CAMK1D: variants seen among roughly 807,000 people sequenced by gnomAD.
CAMK1D encodes the protein calcium/calmodulin-dependent protein kinase type 1D.
In CAMK1D, 9 loss-of-function variants were observed where a neutral mutation model predicts 47.7. The observed-to-expected ratio is 0.19, with a 90% confidence interval of 0.11 to 0.33. The LOEUF (loss-of-function observed/expected upper bound fraction) is 0.33. CAMK1D is among the 10% of genes least tolerant of loss of function. The pLI, the probability that CAMK1D is intolerant of heterozygous loss-of-function variation, is 1.00. For missense variants in CAMK1D, 291 were observed against 488.7 expected (o/e 0.60, Z 3.81); for synonymous variants, 184 against 184.9 (o/e 0.99, Z 0.04).
chr10:12,580,241 C>A (rs986768346), intron 2 of CAMK1D, among the ~76,000 whole-genome samples: 2 of 151,764 alleles, frequency 1.3e-5, no homozygotes, highest in African/African-American at 4.8e-5. Flanking sequence ...TCGTCAACAT[C>A]ATCTGTAACT....
intron 1 of CAMK1D, among the ~76,000 whole-genome samples, chr10:12,493,361 C>A (rs1834445378): frequency 6.6e-6 from 1 of 152,188 alleles, no homozygotes; most frequent in Non-Finnish European, 1.5e-5. Flanking sequence ...CGTGCTGGGG[C>A]AGGAAGGAAA....
rs539436334 is a variant in CAMK1D at position 12,382,393 on chromosome 10, T to G, written c.92+32483T>G. Among the ~76,000 whole-genome samples, 23 of 151,752 alleles carry G rather than the reference T, an allele frequency of 1.5e-4. 1 individual carries two copies. The highest frequency in any genetic ancestry group is 5.3e-4 in the Admixed American group (8 of 15,138). On this transcript the variant is annotated intron_variant, in intron 1 of 10. Transcript: ENST00000619168. ...TACTAGATGATAAGGTACTTGTGGG[T>G]GAGCCTGACGCATGTTTTGGTAACT... is the stretch of plus-strand genomic sequence containing the variant.
chr10:12,440,792 T>G (rs1321197142), intron 1 of CAMK1D, among the ~76,000 whole-genome samples: 1 of 152,196 alleles, frequency 6.6e-6, no homozygotes, highest in African/African-American at 2.4e-5. Flanking sequence ...TCAAAAATGA[T>G]CTGTATATAT....
intron 2 of CAMK1D, among the ~76,000 whole-genome samples, chr10:12,649,351 G>T (rs895254055): frequency 6.6e-6 from 1 of 152,218 alleles, no homozygotes; most frequent in Non-Finnish European, 1.5e-5. Flanking sequence ...AAAGAAAGGG[G>T]AGGTCGGCTG....
At chr10:12,503,842 G>A (rs1469461718) in intron 1 of CAMK1D, among the ~76,000 whole-genome samples, 1 of 152,200 alleles carries the variant, frequency 6.6e-6, no homozygotes, top group Non-Finnish European at 1.5e-5. Context: ...TTGTGCCAAT[G>A]TTAAAGTTAC....
chr10:12,587,642 G>A (rs947979255), intron 2 of CAMK1D, among the ~76,000 whole-genome samples: 1 of 152,056 alleles, frequency 6.6e-6, no homozygotes, highest in Non-Finnish European at 1.5e-5. Flanking sequence ...GGAAGAAGAG[G>A]GCAGGGAGGA....
intron 1 of CAMK1D, among the ~76,000 whole-genome samples, chr10:12,506,407 G>C (rs1258979753): frequency 6.6e-6 from 1 of 152,136 alleles, no homozygotes; most frequent in East Asian, 1.9e-4. Context: ...GCAACACAGT[G>C]AGACTCTGTC....
intron 1 of CAMK1D, among the ~76,000 whole-genome samples, chr10:12,385,410 TG>T (rs1350554264): frequency 6.6e-6 from 1 of 152,270 alleles, no homozygotes; most frequent in Non-Finnish European, 1.5e-5. Flanking sequence ...ATGTGATATT[TG>T]GCTGTAAAAA....
At chr10:12,759,156 C>A (rs1398447665) in intron 3 of CAMK1D, among the ~76,000 whole-genome samples, 1 of 152,226 alleles carries the variant, frequency 6.6e-6, no homozygotes, top group East Asian at 1.9e-4. Context: ...TGAGACCAGA[C>A]TGGGCAACAT....
intron 5 of CAMK1D, among the ~76,000 whole-genome samples, chr10:12,774,520 T>G (rs1332321416): frequency 6.6e-6 from 1 of 152,170 alleles, no homozygotes; most frequent in Non-Finnish European, 1.5e-5. Flanking sequence ...GAAATCGTCG[T>G]ATAGACTTTA....
chr10:12,714,839 T>C (rs1225713672), intron 3 of CAMK1D, among the ~76,000 whole-genome samples: 1 of 151,416 alleles, frequency 6.6e-6, no homozygotes, highest in African/African-American at 2.4e-5. Context: ...TTAGTTACCT[T>C]TTTTTATTGA....
At chr10:12,763,338 A>G (rs773068812) in intron 4 of CAMK1D, among the ~76,000 whole-genome samples, 14 of 152,360 alleles carry the variant, frequency 9.2e-5, no homozygotes, top group Non-Finnish European at 1.3e-4. Context: ...TGTTAATTTA[A>G]GCTTAGTGCA....
At chr10:12,442,770 C>T (rs1280793496) in intron 1 of CAMK1D, among the ~76,000 whole-genome samples, 1 of 152,084 alleles carries the variant, frequency 6.6e-6, no homozygotes, top group Non-Finnish European at 1.5e-5. Flanking sequence ...CAGAAAGGAA[C>T]TTGTAACCAT....
chr10:12,749,330 T>C (rs2130868822), intron 3 of CAMK1D, among the ~76,000 whole-genome samples: 1 of 152,090 alleles, frequency 6.6e-6, no homozygotes, highest in South Asian at 2.1e-4. Context: ...ATAATGTGGT[T>C]TTATAGGTTG....
intron 2 of CAMK1D, among the ~76,000 whole-genome samples, chr10:12,586,345 C>T (rs74119220): frequency 0.061 from 9,135 of 150,000 alleles, 362 homozygotes; most frequent in East Asian, 0.16. Flanking sequence ...GATACTTGGG[C>T]GGCTGAGGCA....
At chr10:12,557,221 G>A (rs1836789211) in intron 2 of CAMK1D, among the ~76,000 whole-genome samples, 1 of 152,176 alleles carries the variant, frequency 6.6e-6, no homozygotes, top group Non-Finnish European at 1.5e-5. Context: ...ATCTGGACTT[G>A]CTGATTGGTA....
chr10:12,558,000 G>C (rs1247439463), intron 2 of CAMK1D, among the ~76,000 whole-genome samples: 3 of 152,216 alleles, frequency 2.0e-5, no homozygotes, highest in African/African-American at 7.2e-5. Context: ...ATGAAGCTCA[G>C]AGGGAAACAT....
chr10:12,569,879 C>A (rs1008789372), intron 2 of CAMK1D, among the ~76,000 whole-genome samples: 1 of 152,012 alleles, frequency 6.6e-6, no homozygotes, highest in Middle Eastern at 3.4e-3. Flanking sequence ...AGGTTCAAGA[C>A]TCTACAAGTA....
chr10:12,605,912 A>G (rs1464230420), intron 2 of CAMK1D, among the ~76,000 whole-genome samples: 3 of 152,036 alleles, frequency 2.0e-5, no homozygotes, highest in Non-Finnish European at 4.4e-5. Flanking sequence ...TAGTGCCAGC[A>G]GCTGCTCAGA....
Sources: allele counts gnomAD v4.1 joint callset (sites outside exome capture counted in the v4.1 genomes callset), GRCh38; gene constraint gnomAD v4.1.1; transcripts MANE v1.5; gene names NCBI Gene and HGNC (gene_info 2026-07-23, HGNC 2026-07-21).